Variants in CSTPP1 observed in about 807,000 individuals in gnomAD.
The protein encoded by CSTPP1 is UPF0705 protein C11orf49.
At chr11:46,964,576 C>T in the CSTPP1 span, among the ~76,000 whole-genome samples, 2,317 of 152,286 alleles carry the variant, frequency 0.015, 62 homozygotes, top group African/African-American at 0.053. Flanking sequence ...TGAGCCACCG[C>T]GCCTGGCCCA....
chr11:47,124,629 C>T, the CSTPP1 span, among the ~76,000 whole-genome samples: 933 of 152,198 alleles, frequency 6.1e-3, 7 homozygotes, highest in African/African-American at 0.019. Context: ...TTTATTTATA[C>T]GTGAGGCATG....
chr11:47,122,084 AAAAAAAAATAT>A, the CSTPP1 span, among the ~76,000 whole-genome samples: 45 of 105,124 alleles, frequency 4.3e-4, no homozygotes, highest in African/African-American at 1.5e-3. Context: ...AAAAAAAAAA[AAAAAAAAATAT>A]ATATATATAT....
the CSTPP1 span, among the ~76,000 whole-genome samples, chr11:47,035,139 A>C: frequency 4.6e-4 from 70 of 152,334 alleles, 1 homozygote; most frequent in South Asian, 0.014. Context: ...AGCTGCAGCA[A>C]CTGCTTCATG....
At chr11:47,032,144 C>G in the CSTPP1 span, among the ~76,000 whole-genome samples, 1 of 152,144 alleles carries the variant, frequency 6.6e-6, no homozygotes, top group African/African-American at 2.4e-5. Context: ...AGGATCAATA[C>G]TTTGTATCCT....
chr11:47,113,889 T>G, the CSTPP1 span, among the ~76,000 whole-genome samples: 1 of 152,238 alleles, frequency 6.6e-6, no homozygotes, highest in African/African-American at 2.4e-5. Flanking sequence ...TTGTTGCCAT[T>G]GCTTTTGGTG....
the CSTPP1 span, chr11:47,164,206 C>T: frequency 6.2e-7 from 1 of 1,613,918 alleles, no homozygotes; most frequent in Non-Finnish European, 8.5e-7. Flanking sequence ...GTGTCCTCAG[C>T]TTCGGTACCG....
chr11:47,049,962 C>T, the CSTPP1 span, among the ~76,000 whole-genome samples: 11,912 of 151,456 alleles, frequency 0.079, 488 homozygotes, highest in Non-Finnish European at 0.09. Flanking sequence ...AATAAGATAT[C>T]AGGTCAGAAA....
the CSTPP1 span, among the ~76,000 whole-genome samples, chr11:47,085,416 G>A: frequency 6.6e-6 from 1 of 151,994 alleles, no homozygotes; most frequent in Admixed American, 6.6e-5. Context: ...ATGAAAGAAA[G>A]AAAATAGAGC....
chr11:47,033,872 G>A, the CSTPP1 span, among the ~76,000 whole-genome samples: 5 of 152,100 alleles, frequency 3.3e-5, no homozygotes, highest in Admixed American at 3.3e-4. Context: ...CATTGTGTTT[G>A]GGGGCAAGTA....
chr11:47,136,738 C>A, the CSTPP1 span, among the ~76,000 whole-genome samples: 1 of 152,184 alleles, frequency 6.6e-6, no homozygotes, highest in Non-Finnish European at 1.5e-5. Flanking sequence ...ATTAGGCAGG[C>A]TTCCGGGTGG....
chr11:47,134,318 A>G, the CSTPP1 span, among the ~76,000 whole-genome samples: 5 of 152,070 alleles, frequency 3.3e-5, no homozygotes, highest in African/African-American at 9.7e-5. Context: ...CTGCCCCCCA[A>G]GTAGCTGGAT....
At chr11:47,103,810 G>T in the CSTPP1 span, 1 of 151,302 alleles carries the variant, frequency 6.6e-6, no homozygotes, top group Non-Finnish European at 1.5e-5. Flanking sequence ...GAGTAGCTGG[G>T]ACCACAGGTA....
chr11:47,070,020 C>A, the CSTPP1 span, among the ~76,000 whole-genome samples: 3 of 152,034 alleles, frequency 2.0e-5, no homozygotes, highest in African/African-American at 7.2e-5. Flanking sequence ...GCCGTTGTTG[C>A]TTTTTAATTT....
the CSTPP1 span, among the ~76,000 whole-genome samples, chr11:47,032,743 A>G: frequency 6.6e-6 from 1 of 152,190 alleles, no homozygotes; most frequent in African/African-American, 2.4e-5. Flanking sequence ...TATCTATTTT[A>G]TGCTACTTTT....
chr11:47,132,068 AT>A, the CSTPP1 span, among the ~76,000 whole-genome samples: 1 of 152,230 alleles, frequency 6.6e-6, no homozygotes, highest in Admixed American at 6.5e-5. Flanking sequence ...CAACAAGCCC[AT>A]GAAGTGTAGT....
chr11:46,938,761 C>CTTTT, the CSTPP1 span, among the ~76,000 whole-genome samples: 1 of 123,590 alleles, frequency 8.1e-6, no homozygotes. Context: ...CCATGCACAT[C>CTTTT]TTTTTTTTTT....
At chr11:47,058,873 G>GT in the CSTPP1 span, among the ~76,000 whole-genome samples, 5 of 152,170 alleles carry the variant, frequency 3.3e-5, no homozygotes, top group Non-Finnish European at 5.9e-5. Context: ...ATACAAATGA[G>GT]TAAGTGACAA....
chr11:47,047,421 C>G, the CSTPP1 span, among the ~76,000 whole-genome samples: 98,197 of 151,550 alleles, frequency 0.65, 32,172 homozygotes, highest in Middle Eastern at 0.69. Context: ...GATTAGGAAG[C>G]CCAGAAATAA....
the CSTPP1 span, chr11:47,157,227 C>A: frequency 1.9e-6 from 3 of 1,555,056 alleles, no homozygotes; most frequent in Non-Finnish European, 2.6e-6. Flanking sequence ...AGGTGAGGAA[C>A]GGGCATGCAG....
Sources: gnomAD v4.1 joint callset for allele counts (sites outside exome capture counted in the v4.1 genomes callset) on GRCh38, gnomAD v4.1.1 for gene constraint, MANE v1.5 for transcripts, NCBI Gene and HGNC (gene_info 2026-07-23, HGNC 2026-07-21) for gene names.